DACH2: variants seen among roughly 807,000 people sequenced by gnomAD.
DACH2 encodes the protein dachshund family transcription factor 2, also known as dachshund homolog 2.
DACH2 carries 17 observed loss-of-function variants against 35.8 expected under a neutral mutation model. The observed-to-expected ratio is 0.48, with a 90% CI of 0.33 to 0.71. The LOEUF is 0.71. DACH2 is among the 30% of genes least tolerant of loss of function. DACH2 has a pLI of 0.02. For missense variants in DACH2, 469 were observed against 472.7 expected (o/e 0.99, Z 0.07); for synonymous variants, 195 against 177.3 (o/e 1.10, Z -0.79).
chrX:86,180,176 GTATATATATATATA>G lies in DACH2; in HGVS notation c.488+31086_488+31099del, dbSNP rs72366047. On this transcript the variant is annotated intron_variant, in intron 1 of 11. Coordinates refer to ENST00000373125, the MANE Select transcript of DACH2 (RefSeq NM_053281.3). Reference sequence around the variant, plus strand: ...TGTCCCCTAGCAACCATGCTAAACCGTATATATATATATATATATATATATATATATGGTTCTTA... The same window carrying G: ...TGTCCCCTAGCAACCATGCTAAACCGTATATATATATATATATGGTTCTTA... Among the ~76,000 whole-genome samples the G allele has an allele frequency of 1.3e-3, 54 of 42,915 alleles. 2 individuals are homozygous for G. Among genetic ancestry groups the G allele is most frequent in the African/African-American group, 1.8e-3 (23 of 12,506 alleles). 37.3% of individuals were successfully genotyped at this position (42,915 alleles called of 115,157 possible). A position where few individuals can be genotyped will look rare whatever the true frequency, so the allele number is the denominator to read the frequency against.
At chrX:86,728,838 C>T (rs917990750) in intron 6 of DACH2, among the ~76,000 whole-genome samples, 1 of 113,039 alleles carries the variant, frequency 8.8e-6, no homozygotes, top group Non-Finnish European at 1.9e-5. Flanking sequence ...GCAGCCTTTG[C>T]TAGGTTTCAG....
intron 2 of DACH2, among the ~76,000 whole-genome samples, chrX:86,497,473 A>G (rs2148252617): frequency 9.0e-6 from 1 of 111,437 alleles, no homozygotes. Context: ...AGAGACAGGA[A>G]GACAGGTCAT....
chrX:86,374,056 T>C (rs182837058), intron 1 of DACH2, among the ~76,000 whole-genome samples: 1 of 111,038 alleles, frequency 9.0e-6, no homozygotes, highest in African/African-American at 3.3e-5. Flanking sequence ...CCTTATTATG[T>C]GGTATTTTAT....
intron 1 of DACH2, among the ~76,000 whole-genome samples, chrX:86,168,356 C>A (rs1431653950): frequency 2.7e-5 from 3 of 110,940 alleles, no homozygotes; most frequent in African/African-American, 9.8e-5. Context: ...TATAGTGACT[C>A]CCTTGCTTCT....
Position 86,294,567 on chromosome X carries a change from G to T in DACH2, c.489-82257G>T, listed in dbSNP as rs1484695405. On this transcript the variant is annotated intron_variant, in intron 1 of 11. Coordinates refer to ENST00000373125, the MANE Select transcript of DACH2 (RefSeq NM_053281.3). The stretch of plus-strand genomic sequence containing the variant: ...CATCTTTGCGGTTTTTCCTACTTTT[G>T]GTCTTTGATGATGGTGATGTACAGA... Among the ~76,000 whole-genome samples, 3 of 109,643 alleles carry T rather than the reference G, an allele frequency of 2.7e-5. No individual in the cohort carries two copies. In the East Asian group the frequency reaches 8.8e-4, roughly 32 times the overall value.
intron 7 of DACH2, among the ~76,000 whole-genome samples, chrX:86,800,653 TTTTG>T (rs1160232353): frequency 3.7e-4 from 41 of 111,298 alleles, no homozygotes; most frequent in African/African-American, 1.1e-3. Flanking sequence ...CAACAGCTTT[TTTTG>T]TTTGTTTGTT....
At chrX:86,294,309 C>G (rs972282028) in intron 1 of DACH2, among the ~76,000 whole-genome samples, 4 of 110,447 alleles carry the variant, frequency 3.6e-5, no homozygotes, top group African/African-American at 1.3e-4. Flanking sequence ...GTTGATTATT[C>G]TAGTTATACA....
intron 1 of DACH2, among the ~76,000 whole-genome samples, chrX:86,156,781 A>G (rs929524266): frequency 1.3e-4 from 14 of 111,617 alleles, no homozygotes; most frequent in African/African-American, 4.5e-4. Flanking sequence ...GTTTTCAAAC[A>G]GTAAATGCAT....
chrX:86,738,286 A>C (rs999590774), intron 6 of DACH2, among the ~76,000 whole-genome samples: 2 of 111,820 alleles, frequency 1.8e-5, no homozygotes, highest in African/African-American at 6.5e-5. Context: ...ACATTGGATA[A>C]TGTTAACTAC....
At chrX:86,774,591 G>A (rs1334000973) in intron 7 of DACH2, among the ~76,000 whole-genome samples, 3 of 111,721 alleles carry the variant, frequency 2.7e-5, no homozygotes, top group Non-Finnish European at 5.6e-5. Context: ...ATTTTGGGGG[G>A]TTTGTTATTC....
chrX:86,642,397 G>A (rs2040357983), intron 3 of DACH2, among the ~76,000 whole-genome samples: 1 of 111,850 alleles, frequency 8.9e-6, no homozygotes, highest in Non-Finnish European at 1.9e-5. Flanking sequence ...AATTCAACAA[G>A]AAGAGCTAAC....
At chrX:86,596,411 G>C (rs1188658599) in intron 3 of DACH2, among the ~76,000 whole-genome samples, 1 of 110,516 alleles carries the variant, frequency 9.0e-6, no homozygotes, top group Non-Finnish European at 1.9e-5. Context: ...TTTTCATTAT[G>C]ACCCCCACTG....
intron 3 of DACH2, among the ~76,000 whole-genome samples, chrX:86,563,451 G>A (rs938694110): frequency 2.7e-5 from 3 of 110,497 alleles, no homozygotes; most frequent in Non-Finnish European, 3.8e-5. Context: ...GCTGTGTATA[G>A]ATCCAATAAT....
intron 1 of DACH2, among the ~76,000 whole-genome samples, chrX:86,167,067 C>A (rs1276808877): frequency 5.4e-5 from 6 of 111,160 alleles, no homozygotes; most frequent in Non-Finnish European, 7.6e-5. Flanking sequence ...TTAATACTGG[C>A]CTCATAAATT....
intron 2 of DACH2, among the ~76,000 whole-genome samples, chrX:86,385,493 A>C (rs1324230246): frequency 8.9e-6 from 1 of 111,788 alleles, no homozygotes; most frequent in Admixed American, 9.5e-5. Context: ...TCAGTATACA[A>C]CAATTTACAT....
At chrX:86,737,060 T>C (rs1342225547) in intron 6 of DACH2, among the ~76,000 whole-genome samples, 2 of 111,409 alleles carry the variant, frequency 1.8e-5, no homozygotes, top group Non-Finnish European at 3.8e-5. Context: ...ATTTCAATAA[T>C]ATATTTGAAA....
At chrX:86,159,981 C>T (rs1272907908) in intron 1 of DACH2, among the ~76,000 whole-genome samples, 1 of 109,227 alleles carries the variant, frequency 9.2e-6, no homozygotes, top group African/African-American at 3.3e-5. Context: ...AGATTTTGAT[C>T]AAGTTGTTTC....
intron 1 of DACH2, among the ~76,000 whole-genome samples, chrX:86,200,787 A>G (rs1047176477): frequency 9.0e-6 from 1 of 111,376 alleles, no homozygotes; most frequent in African/African-American, 3.3e-5. Context: ...CAAAAAAATA[A>G]CATGCTGGCA....
intron 1 of DACH2, among the ~76,000 whole-genome samples, chrX:86,273,809 T>C (rs1489590847): frequency 8.9e-6 from 1 of 112,143 alleles, no homozygotes; most frequent in Non-Finnish European, 1.9e-5. Flanking sequence ...ATTTTATCAT[T>C]CTGGTCTAGT....
Sources: allele counts gnomAD v4.1 joint callset (sites outside exome capture counted in the v4.1 genomes callset), GRCh38; gene constraint gnomAD v4.1.1; transcripts MANE v1.5; gene names NCBI Gene and HGNC (gene_info 2026-07-23, HGNC 2026-07-21).